The following DNM3 variants were observed in gnomAD, a reference collection of about 807,000 sequenced individuals.
DNM3 encodes the protein dynamin-3.
DNM3 carries 47 observed loss-of-function variants against 101.6 expected under a neutral mutation model. That is an observed-to-expected ratio of 0.46 (90% CI 0.37 to 0.59). The LOEUF (loss-of-function observed/expected upper bound fraction) is 0.59, where lower values mean the gene tolerates loss of function less well. Ranked by LOEUF, DNM3 falls within the 20% of genes least tolerant of loss-of-function variation. The probability of loss-of-function intolerance (pLI) is 0.00; values close to 1 mark genes in which losing one functional copy is unlikely to be tolerated. For synonymous variants in DNM3, 385 were observed against 387.9 expected (o/e 0.99, Z 0.09); for missense variants, 849 against 1,085.7 (o/e 0.78, Z 3.06).
chr1:172,234,292 T>A (rs2061451039), intron 14 of DNM3, among the ~76,000 whole-genome samples: 1 of 152,092 alleles, frequency 6.6e-6, no homozygotes, highest in African/African-American at 2.4e-5. Context: ...TCACAATTGC[T>A]TCAAAGAGAA....
chr1:172,358,148 G>T (rs2067544305), intron 17 of DNM3, among the ~76,000 whole-genome samples: 1 of 151,990 alleles, frequency 6.6e-6, no homozygotes, highest in Non-Finnish European at 1.5e-5. Flanking sequence ...ATAATGAATG[G>T]CTGTGTTCTT....
At chr1:172,382,337 C>T (rs2068954584) in intron 18 of DNM3, among the ~76,000 whole-genome samples, 1 of 152,172 alleles carries the variant, frequency 6.6e-6, no homozygotes, top group Non-Finnish European at 1.5e-5. Flanking sequence ...TAGCTCACCC[C>T]ACCAGAAGTT....
intron 13 of DNM3, among the ~76,000 whole-genome samples, chr1:172,115,619 C>T (rs948935030): frequency 3.9e-5 from 6 of 152,176 alleles, no homozygotes; most frequent in Non-Finnish European, 2.9e-5. Context: ...AATTGGCTTC[C>T]TTGGTGTTCC....
At chr1:172,279,931 T>C (rs2063425235) in intron 15 of DNM3, among the ~76,000 whole-genome samples, 1 of 152,154 alleles carries the variant, frequency 6.6e-6, no homozygotes, top group Admixed American at 6.6e-5. Flanking sequence ...ACCCCTCTGC[T>C]TAAAGTCCGT....
intron 2 of DNM3, among the ~76,000 whole-genome samples, chr1:171,923,546 G>A (rs902533737): frequency 6.7e-5 from 10 of 149,604 alleles, no homozygotes; most frequent in East Asian, 2.0e-4. Context: ...TTCATTTCTC[G>A]TTATTTTTGT....
intron 10 of DNM3, among the ~76,000 whole-genome samples, chr1:172,049,818 A>AT (rs746052614): frequency 1.1e-4 from 17 of 152,304 alleles, no homozygotes; most frequent in Admixed American, 2.0e-4. Flanking sequence ...ATGAGAATGA[A>AT]TATGAATATT....
intron 14 of DNM3, among the ~76,000 whole-genome samples, chr1:172,249,929 A>G (rs2062103062): frequency 6.6e-6 from 1 of 152,174 alleles, no homozygotes; most frequent in Non-Finnish European, 1.5e-5. Flanking sequence ...CAAATATCAC[A>G]TATTTTAAAA....
At chr1:172,346,122 C>CAAAAAAAAAAAAAAAA (rs554868535) in intron 17 of DNM3, among the ~76,000 whole-genome samples, 3 of 92,152 alleles carry the variant, frequency 3.3e-5, no homozygotes, top group Non-Finnish European at 4.4e-5. Context: ...GACTCCGTCT[C>CAAAAAAAAAAAAAAAA]AAAAAAAAAA....
intron 15 of DNM3, among the ~76,000 whole-genome samples, chr1:172,265,401 G>T (rs918608435): frequency 8.5e-5 from 13 of 152,114 alleles, no homozygotes; most frequent in African/African-American, 2.9e-4. Flanking sequence ...CAGCACTTGA[G>T]GAGAGCGAAT....
chr1:172,107,443 A>C (rs572742752), intron 13 of DNM3, among the ~76,000 whole-genome samples: 4 of 152,228 alleles, frequency 2.6e-5, no homozygotes, highest in Non-Finnish European at 4.4e-5. Flanking sequence ...AGCTGGGAGA[A>C]TCACCATCAG....
At chr1:172,195,954 C>T (rs974474587) in intron 14 of DNM3, among the ~76,000 whole-genome samples, 6 of 151,274 alleles carry the variant, frequency 4.0e-5, no homozygotes, top group East Asian at 1.9e-4. Flanking sequence ...AGGTTTGTTA[C>T]GTAGGTAAAC....
rs555998872 is a variant in DNM3 at position 171,898,693 on chromosome 1, C to CATAT, written c.162-23045_162-23042dup. 2.1e-3 allele frequency among the ~76,000 whole-genome samples: 288 copies of CATAT among 134,412 alleles called. 5 individuals carry two copies. Among genetic ancestry groups the CATAT allele is most frequent in the Admixed American group, 0.015 (192 of 13,078 alleles). 88.2% of individuals were successfully genotyped at this position (134,412 alleles called of 152,430 possible). On this transcript the variant is annotated intron_variant, in intron 1 of 20. Transcript: ENST00000627582. ...TGATTTAAAAGTGTGTGTGTATATACATATATATATATAGAGAGAGAGAGA... is the reference window on the plus strand; with the variant it reads ...TGATTTAAAAGTGTGTGTGTATATACATATATATATATATATAGAGAGAGAGAGA...
chr1:172,149,762 T>C (rs2058058202), intron 14 of DNM3, among the ~76,000 whole-genome samples: 1 of 152,078 alleles, frequency 6.6e-6, no homozygotes, highest in Non-Finnish European at 1.5e-5. Context: ...CAAAAATGAA[T>C]ATGCATGATA....
chr1:172,260,424 A>AT (rs1557895551), intron 15 of DNM3, among the ~76,000 whole-genome samples: 1 of 151,060 alleles, frequency 6.6e-6, no homozygotes, highest in East Asian at 2.0e-4. Context: ...TAATTCTTTC[A>AT]TTTTTTTTCG....
chr1:172,288,534 G>C (rs780806296), intron 15 of DNM3, among the ~76,000 whole-genome samples: 16 of 152,194 alleles, frequency 1.1e-4, no homozygotes, highest in Non-Finnish European at 1.9e-4. Flanking sequence ...ATGGAGAGTA[G>C]AGAGGAACAA....
At chr1:172,252,508 T>C (rs2062212874) in intron 14 of DNM3, among the ~76,000 whole-genome samples, 1 of 152,152 alleles carries the variant, frequency 6.6e-6, no homozygotes, top group Non-Finnish European at 1.5e-5. Context: ...GCATTAATAG[T>C]CGTTTATTAA....
chr1:172,038,264 A>T, intron 6 of DNM3, 55 bp from the exon 7 acceptor site: 2 of 1,592,766 alleles, frequency 1.3e-6, no homozygotes, highest in African/African-American at 1.3e-5. Context: ...GTTAATCTTT[A>T]ATCTGTGTAT....
intron 1 of DNM3, among the ~76,000 whole-genome samples, chr1:171,884,542 G>T (rs778468938): frequency 1.3e-5 from 2 of 152,166 alleles, no homozygotes; most frequent in Non-Finnish European, 2.9e-5. Flanking sequence ...AAACTTAGTG[G>T]CTTAGAACAA....
intron 2 of DNM3, among the ~76,000 whole-genome samples, chr1:171,944,477 G>T (rs1038870404): frequency 6.6e-6 from 1 of 151,844 alleles, no homozygotes; most frequent in Non-Finnish European, 1.5e-5. Flanking sequence ...CCAGGCTCAA[G>T]CTATCCTCCC....
Sources: gnomAD v4.1 joint callset for allele counts (sites outside exome capture counted in the v4.1 genomes callset) on GRCh38, gnomAD v4.1.1 for gene constraint, MANE v1.5 for transcripts, NCBI Gene and HGNC (gene_info 2026-07-23, HGNC 2026-07-21) for gene names.